The following PTGIR variants were observed in gnomAD, a reference collection of about 807,000 sequenced individuals.
PTGIR encodes prostaglandin I2 receptor, also known as prostacyclin receptor.
PTGIR carries 16 observed loss-of-function variants against 17.6 expected under a neutral mutation model. The observed-to-expected ratio is 0.91, with a 90% CI of 0.61 to 1.38. The LOEUF is 1.38. PTGIR is among the 40% of genes most tolerant of loss of function. PTGIR has a pLI of 0.00. For missense variants in PTGIR, 532 were observed against 548.6 expected (o/e 0.97, Z 0.30); for synonymous variants, 274 against 255.4 (o/e 1.07, Z -0.69).
In PTGIR at chr19:46,622,297, T is replaced by C. The variant is rs375612903; in HGVS notation, c.769-625A>G. On this transcript the variant is annotated intron_variant, in intron 2 of 2. Transcript: ENST00000291294. ...TGCTCTGAGGCAGAGGGGAGCCAGGTAGGTGGGAGATCAGGCTCTACAATG... is the reference window on the plus strand; with the variant it reads ...TGCTCTGAGGCAGAGGGGAGCCAGGCAGGTGGGAGATCAGGCTCTACAATG... The C allele has an allele frequency of 1.1e-3, 1,089 of 985,012 alleles. 7 individuals are homozygous for C. In the African/African-American group the frequency reaches 0.013, roughly 12 times the overall value. 61.0% of individuals were successfully genotyped at this position (985,012 alleles called of 1,614,324 possible). A position where few individuals can be genotyped will look rare whatever the true frequency, so the allele number is the denominator to read the frequency against.
downstream of PTGIR, among the ~76,000 whole-genome samples, chr19:46,619,874 G>C (rs1972034280): frequency 1.3e-5 from 2 of 152,184 alleles, no homozygotes; most frequent in South Asian, 4.1e-4. Flanking sequence ...CTGGGTGGGG[G>C]GAGTTCCCAC....
chr19:46,616,213 G>C (rs1433921125), downstream of PTGIR, among the ~76,000 whole-genome samples: 1 of 151,836 alleles, frequency 6.6e-6, no homozygotes, highest in Admixed American at 6.6e-5. Context: ...AGGCAGCCTC[G>C]GGTCCAGACC....
the PTGIR span, among the ~76,000 whole-genome samples, chr19:46,611,192 G>A: frequency 6.6e-5 from 10 of 152,152 alleles, no homozygotes; most frequent in African/African-American, 2.4e-4. Flanking sequence ...CCAGTTCGGG[G>A]GGACGACATG....
At chr19:46,622,236 C>T (rs540922181) in intron 2 of PTGIR, 32 of 985,318 alleles carry the variant, frequency 3.2e-5, no homozygotes, top group Middle Eastern at 1.0e-3. Flanking sequence ...ACGGGGTCCC[C>T]GCAGGAAACC....
downstream of PTGIR, among the ~76,000 whole-genome samples, chr19:46,619,142 C>A (rs1972002915): frequency 6.6e-6 from 1 of 152,108 alleles, no homozygotes; most frequent in African/African-American, 2.4e-5. Flanking sequence ...CGCCCACTCG[C>A]TGTGTGAGTC....
the PTGIR span, among the ~76,000 whole-genome samples, chr19:46,614,143 G>A: frequency 6.6e-6 from 1 of 152,204 alleles, no homozygotes; most frequent in African/African-American, 2.4e-5. Context: ...AGGTCTACCA[G>A]ACCAGCTCAA....
chr19:46,621,635 C>T lies in PTGIR; in HGVS notation c.806G>A (p.Ser269Asn), dbSNP rs1286881391. The T allele has an allele frequency of 2.5e-6, 4 of 1,613,296 alleles. No individual in the cohort carries two copies. Among genetic ancestry groups the T allele is most frequent in the Non-Finnish European group, 3.4e-6 (4 of 1,179,944 alleles). Residue 269 changes from serine to asparagine, a missense_variant, in exon 3 of 3, where the codon AGC becomes AAC. By Grantham distance (46) the Ser-to-Asn change is conservative. Transcript: ENST00000291294. The surrounding 1 kb of genome is among the most constrained non-coding windows in gnomAD (Gnocchi z 4.8). ...CFTQAVAPDS[S>N]SEMGDLLAFR... ...GGCAAGGAGGTCCCCCATCTCACTG[C>T]TGCTGTCAGGGGCGACAGCCTGGGT...
In PTGIR at chr19:46,621,274, G is replaced by GA; in HGVS notation, c.*5dup. Reference sequence around the variant, plus strand: ...AGGGCAGAGATCACAGGGTCAGCTTGAAATGTCAGCAGAGGGAGCAGGCGA... The same window carrying GA: ...AGGGCAGAGATCACAGGGTCAGCTTGAAAATGTCAGCAGAGGGAGCAGGCGA... On this transcript the variant is annotated 3_prime_UTR_variant, in exon 3 of 3. Coordinates refer to ENST00000291294, the MANE Select transcript of PTGIR (RefSeq NM_000960.4). This position sits in a 1 kb window ranked among gnomAD's most constrained non-coding sequence, Gnocchi z 4.8. The GA allele has an allele frequency of 6.6e-7, 1 of 1,504,838 alleles. No individual in the cohort carries two copies. The highest frequency in any genetic ancestry group is 8.9e-7 in the Non-Finnish European group (1 of 1,125,876). The allele number at this position is 1,504,838 out of a possible 1,614,324, so 93.2% of individuals were successfully genotyped here. A position where few individuals can be genotyped will look rare whatever the true frequency, so the allele number is the denominator to read the frequency against.
chr19:46,614,321 G>T, the PTGIR span: 1 of 930,006 alleles, frequency 1.1e-6, no homozygotes, highest in East Asian at 1.2e-4. Context: ...CAATGACCAC[G>T]GAAGACCCTG....
In PTGIR at chr19:46,625,007, T is replaced by G. The variant is rs199513316; in HGVS notation, c.-23A>C. 6.5e-6 allele frequency: 1 copy of G among 154,846 alleles called. No individual in the cohort carries two copies. Among genetic ancestry groups the G allele is most frequent in the Non-Finnish European group, 1.4e-5 (1 of 69,848 alleles). 9.6% of individuals were successfully genotyped at this position (154,846 alleles called of 1,614,324 possible). On this transcript the variant is annotated 5_prime_UTR_variant, in exon 1 of 3. Coordinates refer to ENST00000291294, the MANE Select transcript of PTGIR (RefSeq NM_000960.4). This position sits in a 1 kb window ranked among gnomAD's most constrained non-coding sequence, Gnocchi z 4.9. Reference sequence around the variant, plus strand: ...AGCCCCTCACCGCACCTCTCCAGTCTTGCCCAGGCTCTCCTGTCCCGTGCG... The same window carrying G: ...AGCCCCTCACCGCACCTCTCCAGTCGTGCCCAGGCTCTCCTGTCCCGTGCG...
chr19:46,611,664 T>C, the PTGIR span, among the ~76,000 whole-genome samples: 226 of 152,232 alleles, frequency 1.5e-3, no homozygotes, highest in African/African-American at 5.2e-3. Flanking sequence ...CCTCCTACTT[T>C]GAGAGGCTGA....
downstream of PTGIR, among the ~76,000 whole-genome samples, chr19:46,619,101 G>A (rs528648937): frequency 4.6e-5 from 7 of 152,264 alleles, no homozygotes; most frequent in Admixed American, 6.5e-5. Flanking sequence ...AAGGTGTCCC[G>A]GAGTGGATAG....
At position 46,620,561 on chromosome 19, in the gene PTGIR, GC is replaced by G. The variant is rs1024008968; in HGVS notation, c.*718del. 212 of 985,242 alleles carry G rather than the reference GC, an allele frequency of 2.2e-4. No individual in the cohort carries two copies. Among genetic ancestry groups the G allele is most frequent in the Non-Finnish European group, 7.6e-5 (63 of 829,966 alleles). 61.0% of individuals were successfully genotyped at this position (985,242 alleles called of 1,614,324 possible). On this transcript the variant is annotated 3_prime_UTR_variant, in exon 3 of 3. Transcript: ENST00000291294. Reference sequence around the variant, plus strand: ...TCTGGGGCAGTCCCTGGGATCCGCAGCCCCCACCCTTCATCTGCCAGCTTCT... The same window carrying G: ...TCTGGGGCAGTCCCTGGGATCCGCAGCCCCACCCTTCATCTGCCAGCTTCT...
chr19:46,620,627 T>C lies in PTGIR; in HGVS notation c.*653A>G. The C allele has an allele frequency of 1.0e-6, 1 of 985,126 alleles. No individual in the cohort carries two copies. The highest frequency in any genetic ancestry group is 1.8e-5 in the African/African-American group (1 of 56,912). 61.0% of individuals were successfully genotyped at this position (985,126 alleles called of 1,614,324 possible). A position where few individuals can be genotyped will look rare whatever the true frequency, so the allele number is the denominator to read the frequency against. On this transcript the variant is annotated 3_prime_UTR_variant, in exon 3 of 3. Transcript: ENST00000291294. ...ACCACCTGCACCCCCCCAGTTCTCA[T>C]CTTGCAGCCAGTCAAGCTAGGTGGA...
chr19:46,620,385 T>G (rs1972041148), downstream of PTGIR: 1 of 966,814 alleles, frequency 1.0e-6, no homozygotes, highest in South Asian at 4.8e-5. Context: ...TACAGGCATG[T>G]GCTATGGTGC....
At chr19:46,619,577 G>GAA (rs1568675666), downstream of PTGIR, among the ~76,000 whole-genome samples, 50 of 104,790 alleles carry the variant, frequency 4.8e-4, no homozygotes, top group South Asian at 1.0e-3. Context: ...GAGAGAGAGA[G>GAA]AGAGAGAAAG....
At position 46,624,174 on chromosome 19, in the gene PTGIR, C is replaced by T; in HGVS notation, c.52G>A (p.Ala18Thr). 6.7e-7 allele frequency: 1 copy of T among 1,493,046 alleles called. No individual in the cohort carries two copies. The highest frequency in any genetic ancestry group is 8.9e-7 in the Non-Finnish European group (1 of 1,129,034). The allele number at this position is 1,493,046 out of a possible 1,614,324, so 92.5% of individuals were successfully genotyped here. A position where few individuals can be genotyped will look rare whatever the true frequency, so the allele number is the denominator to read the frequency against. ...LTYVRGSVGP[A>T]TSTLMFVAGV... Reference sequence around the variant, plus strand: ...GCCACGAACATCAGGGTGCTGGTGGCCGGCCCCACCGAGCCCCGCACGTAG... The same window carrying T: ...GCCACGAACATCAGGGTGCTGGTGGTCGGCCCCACCGAGCCCCGCACGTAG... The change falls in exon 2 of 3, where the codon GCC (alanine) becomes ACC (threonine). Residue 18 changes from alanine (A) to threonine (T), a missense_variant. Coordinates refer to ENST00000291294, the MANE Select transcript of PTGIR (RefSeq NM_000960.4).
At chr19:46,611,461 G>A in the PTGIR span, among the ~76,000 whole-genome samples, 239 of 152,306 alleles carry the variant, frequency 1.6e-3, no homozygotes, top group African/African-American at 5.4e-3. Flanking sequence ...CACAGGGAGG[G>A]CACGGGACTC....
At position 46,621,075 on chromosome 19, in the gene PTGIR, T is replaced by C; in HGVS notation, c.*205A>G. 1 of 1,258,956 alleles carries C rather than the reference T, an allele frequency of 7.9e-7. No homozygotes were observed. Among genetic ancestry groups the C allele is most frequent in the Non-Finnish European group, 1.0e-6 (1 of 1,003,326 alleles). 78.0% of individuals were successfully genotyped at this position (1,258,956 alleles called of 1,614,324 possible). On this transcript the variant is annotated 3_prime_UTR_variant, in exon 3 of 3. Coordinates refer to ENST00000291294, the MANE Select transcript of PTGIR (RefSeq NM_000960.4). This position sits in a 1 kb window ranked among gnomAD's most constrained non-coding sequence, Gnocchi z 4.8. The stretch of plus-strand genomic sequence containing the variant: ...GTTATTTTGAGAGAACCATTCTTTC[T>C]GCACTCCAGGATAAACGTTTCCTCT...
Sources: gnomAD v4.1 joint callset for allele counts (sites outside exome capture counted in the v4.1 genomes callset) on GRCh38, gnomAD v4.1.1 for gene constraint, Gnocchi (gnomAD v3.1) non-coding constraint, MANE v1.5 for transcripts, NCBI Gene and HGNC (gene_info 2026-07-23, HGNC 2026-07-21) for gene names.